The following ROBO2 variants were observed in gnomAD, a reference collection of about 807,000 sequenced individuals.
The protein encoded by ROBO2 is roundabout guidance receptor 2.
ROBO2 carries 53 observed loss-of-function variants against 160.8 expected under a neutral mutation model. The ratio of observed to expected loss-of-function variants is 0.33; its 90% CI spans 0.26 to 0.41. ROBO2 has a LOEUF of 0.41. Ranked by LOEUF, ROBO2 falls within the 10% of genes least tolerant of loss-of-function variation. ROBO2 has a pLI of 1.00. For synonymous variants in ROBO2, 664 were observed against 611.7 expected (o/e 1.09, Z -1.26); for missense variants, 1,577 against 1,722.4 (o/e 0.92, Z 1.49).
intron 2 of ROBO2, among the ~76,000 whole-genome samples, chr3:76,152,814 A>G (rs779562597): frequency 3.9e-5 from 6 of 152,186 alleles, no homozygotes; most frequent in East Asian, 1.9e-4. Context: ...TATTCACTCA[A>G]TACAATTATT....
intron 2 of ROBO2, among the ~76,000 whole-genome samples, chr3:76,042,824 C>A (rs954505080): frequency 6.6e-6 from 1 of 152,074 alleles, no homozygotes; most frequent in Non-Finnish European, 1.5e-5. Flanking sequence ...GTGCATGCAG[C>A]CCCTGTCACA....
chr3:77,142,026 G>C (rs1037612127), intron 2 of ROBO2, among the ~76,000 whole-genome samples: 1 of 152,102 alleles, frequency 6.6e-6, no homozygotes, highest in South Asian at 2.1e-4. Context: ...TGTCTTATAC[G>C]TTGAACAGTC....
At chr3:76,979,951 TA>T (rs199788324) in intron 2 of ROBO2, among the ~76,000 whole-genome samples, 9,362 of 142,262 alleles carry the variant, frequency 0.066, 374 homozygotes, top group African/African-American at 0.12. Context: ...GAGACTTGGT[TA>T]AAAAAAAAAA....
chr3:77,417,231 CT>C (rs10552785), intron 2 of ROBO2, among the ~76,000 whole-genome samples: 59,396 of 141,782 alleles, frequency 0.42, 12,058 homozygotes, highest in Middle Eastern at 0.46. Context: ...AGGGTAACCA[CT>C]TTTTTTTTTT....
At chr3:76,874,645 C>T (rs2072505200) in intron 2 of ROBO2, among the ~76,000 whole-genome samples, 1 of 152,044 alleles carries the variant, frequency 6.6e-6, no homozygotes, top group African/African-American at 2.4e-5. Context: ...TTTAAATGTA[C>T]CTGCAGTTCC....
intron 2 of ROBO2, among the ~76,000 whole-genome samples, chr3:77,326,424 C>A (rs1365788401): frequency 2.6e-5 from 4 of 152,186 alleles, no homozygotes; most frequent in Admixed American, 2.0e-4. Context: ...TAGTGATCTT[C>A]AAATATAGCC....
intron 2 of ROBO2, among the ~76,000 whole-genome samples, chr3:77,392,045 A>AC (rs2074789665): frequency 6.6e-6 from 1 of 152,192 alleles, no homozygotes; most frequent in Non-Finnish European, 1.5e-5. Flanking sequence ...CTGTCAAAGC[A>AC]ACAATATTTA....
intron 2 of ROBO2, among the ~76,000 whole-genome samples, chr3:77,261,458 A>G (rs751954710): frequency 1.5e-4 from 23 of 152,308 alleles, no homozygotes; most frequent in Non-Finnish European, 3.1e-4. Flanking sequence ...ACATATTGTT[A>G]TAATGTGTTG....
chr3:76,201,142 TC>T (rs1362079975), intron 2 of ROBO2, among the ~76,000 whole-genome samples: 2 of 152,176 alleles, frequency 1.3e-5, no homozygotes, highest in Non-Finnish European at 1.5e-5. Context: ...TTAATTTTTT[TC>T]TGAATCAGTC....
intron 2 of ROBO2, among the ~76,000 whole-genome samples, chr3:76,710,813 AATTAAAAG>A (rs1481521016): frequency 3.3e-5 from 5 of 152,220 alleles, no homozygotes; most frequent in Admixed American, 2.6e-4. Context: ...GATAAGATGC[AATTAAAAG>A]AGAGGAGAGC....
At chr3:76,770,491 T>C (rs1666059378) in intron 2 of ROBO2, among the ~76,000 whole-genome samples, 2 of 151,210 alleles carry the variant, frequency 1.3e-5, no homozygotes, top group Admixed American at 1.3e-4. Flanking sequence ...TAAGAACAGT[T>C]GAGGGTATTA....
chr3:77,489,910 C>T (rs1381916764), intron 4 of ROBO2, among the ~76,000 whole-genome samples: 1 of 152,038 alleles, frequency 6.6e-6, no homozygotes, highest in Admixed American at 6.6e-5. Flanking sequence ...ATCCTATGGA[C>T]TTCTTAGTTT....
intron 2 of ROBO2, among the ~76,000 whole-genome samples, chr3:76,491,956 A>C (rs145625365): frequency 4.8e-4 from 73 of 152,200 alleles, no homozygotes; most frequent in African/African-American, 1.3e-3. Context: ...AACAAACAAA[A>C]AAATTAGCTG....
Position 76,834,118 on chromosome 3 carries a change from CTG to C in ROBO2, c.110-263894_110-263893del, listed in dbSNP as rs1559575356. 3.5e-4 allele frequency among the ~76,000 whole-genome samples: 47 copies of C among 132,474 alleles called. 8 individuals are homozygous for C. The highest frequency in any genetic ancestry group is 1.5e-3 in the South Asian group (6 of 4,036). The allele number at this position is 132,474 out of a possible 152,430, so 86.9% of individuals were successfully genotyped here. On this transcript the variant is annotated intron_variant, in intron 2 of 26. Transcript: ENST00000487694. ...TCTTTCTTTCTTTCTTTCTTTCTCT[CTG>C]TCTCTCCTTCCTTCTTTCCTTCCTT...
chr3:77,306,872 A>T (rs2063140486), intron 2 of ROBO2, among the ~76,000 whole-genome samples: 1 of 152,178 alleles, frequency 6.6e-6, no homozygotes, highest in Non-Finnish European at 1.5e-5. Context: ...ATTAAATGTC[A>T]TGCTAATAGT....
Position 75,982,678 on chromosome 3 carries a change from A to G in ROBO2, c.109+45076A>G, listed in dbSNP as rs181572385. On this transcript the variant is annotated intron_variant, in intron 2 of 26. Transcript: ENST00000487694. ...TGATTTCACATCTTTGTTTTACCTA[A>G]TAAATCACTGCTGTTGTGTTCTTCC... 3.2e-3 allele frequency among the ~76,000 whole-genome samples: 491 copies of G among 151,612 alleles called. 3 individuals carry two copies. Among genetic ancestry groups the G allele is most frequent in the Non-Finnish European group, 5.0e-3 (337 of 67,618 alleles).
At position 76,790,194 on chromosome 3, in the gene ROBO2, C is replaced by T. The variant is rs1291621315; in HGVS notation, c.110-307820C>T. Among the ~76,000 whole-genome samples the T allele has an allele frequency of 2.0e-5, 3 of 151,502 alleles. No homozygotes were observed. In the East Asian group the frequency reaches 5.8e-4, roughly 29 times the overall value. ...ATTCAATCAAAATTGAATGTGGCTCCTAAAGGTAGAGTTTCCTCTACATCT... is the reference window on the plus strand; with the variant it reads ...ATTCAATCAAAATTGAATGTGGCTCTTAAAGGTAGAGTTTCCTCTACATCT... On this transcript the variant is annotated intron_variant, in intron 2 of 26. Transcript: ENST00000487694.
intron 2 of ROBO2, among the ~76,000 whole-genome samples, chr3:76,567,743 T>TTA (rs574478628): frequency 0.63 from 66,466 of 105,514 alleles, 21,296 homozygotes; most frequent in African/African-American, 0.67. Flanking sequence ...ATATACTGTT[T>TTA]TATATATATA....
rs139096751 is a variant in ROBO2, at chr3:77,142,095, C to T, written c.388+43755C>T. ...TAAAAACCTCTCTCTCTGTTTCTCT[C>T]TCTCTCTCTTTCCTTCCACCCCCTT... On this transcript the variant is annotated intron_variant, in intron 2 of 25. Transcript: ENST00000461745. 1.5e-3 allele frequency among the ~76,000 whole-genome samples: 230 copies of T among 152,302 alleles called. 1 individual carries two copies. Among genetic ancestry groups the T allele is most frequent in the Admixed American group, 5.2e-3 (80 of 15,294 alleles).
Sources: gnomAD v4.1 joint callset for allele counts (sites outside exome capture counted in the v4.1 genomes callset) on GRCh38, gnomAD v4.1.1 for gene constraint, MANE v1.5 for transcripts, NCBI Gene and HGNC (gene_info 2026-07-23, HGNC 2026-07-21) for gene names.